The following NRXN3 variants were observed in gnomAD, a reference collection of about 807,000 sequenced individuals.
NRXN3 encodes the protein neurexin III.
In NRXN3, 32 loss-of-function variants were observed where a neutral mutation model predicts 137.6. That is an observed-to-expected ratio of 0.23 (90% confidence interval 0.18 to 0.31). The LOEUF (loss-of-function observed/expected upper bound fraction) is 0.31, where lower values mean the gene tolerates loss of function less well. Among genes scored for constraint, NRXN3 ranks in the 10% least tolerant of loss-of-function variants. The pLI is 1.00. For synonymous variants in NRXN3, 798 were observed against 784.5 expected, an observed-to-expected ratio of 1.02 and a Z score of -0.29; for missense variants, 1,574 against 2,062.5, an observed-to-expected ratio of 0.76 and a Z score of 4.59.
At chr14:78,475,630 C>T (rs1209104279) in intron 4 of NRXN3, among the ~76,000 whole-genome samples, 1 of 152,158 alleles carries the variant, frequency 6.6e-6, no homozygotes, top group Non-Finnish European at 1.5e-5. Context: ...CAAATTACCG[C>T]TGACAAATAA....
chr14:79,863,630 C>CTGTT lies in NRXN3; in HGVS notation c.*1669_*1672dup, dbSNP rs758758068. 1 of 151,970 alleles carries CTGTT rather than the reference C, an allele frequency of 6.6e-6. No homozygotes were observed. Among genetic ancestry groups the CTGTT allele is most frequent in the Non-Finnish European group, 1.5e-5 (1 of 67,912 alleles). The allele number at this position is 151,970 out of a possible 1,614,324, so 9.4% of individuals were successfully genotyped here. On this transcript the variant is annotated 3_prime_UTR_variant, in exon 21 of 21. Coordinates refer to ENST00000335750, the MANE Select transcript of NRXN3 (RefSeq NM_001330195.2). ...AGAAATGTTTTTTTCCTGTTTATTT[C>CTGTT]TGTTTGGTTTATATTCTGGTTGTCT...
At chr14:79,018,792 G>T (rs2099584058) in intron 15 of NRXN3, among the ~76,000 whole-genome samples, 2 of 152,196 alleles carry the variant, frequency 1.3e-5, no homozygotes, top group East Asian at 1.9e-4. Flanking sequence ...AGAATAAATT[G>T]TCCTTTTAAG....
chr14:79,023,112 T>TG (rs1014245396), intron 15 of NRXN3, among the ~76,000 whole-genome samples: 18 of 151,140 alleles, frequency 1.2e-4, no homozygotes, highest in Admixed American at 5.9e-4. Flanking sequence ...CTTTGCCTTT[T>TG]TTTTTTTTTT....
chr14:79,315,697 C>T (rs898953310), intron 15 of NRXN3, among the ~76,000 whole-genome samples: 6 of 152,188 alleles, frequency 3.9e-5, no homozygotes, highest in African/African-American at 1.4e-4. Flanking sequence ...TTATTTTCCT[C>T]ATCTTCTTTT....
intron 1 of NRXN3, among the ~76,000 whole-genome samples, chr14:78,222,116 G>A (rs1305874312): frequency 6.6e-6 from 1 of 152,094 alleles, no homozygotes; most frequent in Admixed American, 6.5e-5. Flanking sequence ...GATACACATG[G>A]CCCCAACACA....
chr14:79,338,840 T>C (rs574329042), intron 15 of NRXN3, among the ~76,000 whole-genome samples: 126 of 152,308 alleles, frequency 8.3e-4, no homozygotes, highest in Admixed American at 1.4e-3. Flanking sequence ...ATAACTATTT[T>C]TGTGTTTGTT....
chr14:78,770,819 G>A (rs74969890), intron 8 of NRXN3, among the ~76,000 whole-genome samples: 1 of 152,174 alleles, frequency 6.6e-6, no homozygotes, highest in Non-Finnish European at 1.5e-5. Flanking sequence ...ACTGGGGAGG[G>A]AATGTCTGTA....
At chr14:79,369,690 A>G (rs554198489) in intron 15 of NRXN3, among the ~76,000 whole-genome samples, 2 of 152,180 alleles carry the variant, frequency 1.3e-5, no homozygotes, top group African/African-American at 2.4e-5. Context: ...CTCTTTTTCA[A>G]TTATTTCTGA....
intron 15 of NRXN3, among the ~76,000 whole-genome samples, chr14:79,158,582 T>C (rs1015386469): frequency 6.6e-6 from 1 of 151,896 alleles, no homozygotes; most frequent in Non-Finnish European, 1.5e-5. Context: ...TTGAGGTATG[T>C]GGATTTATCC....
intron 4 of NRXN3, among the ~76,000 whole-genome samples, chr14:78,602,866 C>G (rs1601182013): frequency 6.6e-6 from 1 of 152,228 alleles, no homozygotes; most frequent in East Asian, 1.9e-4. Context: ...TGAGAATGAC[C>G]TTAGCTAGGG....
At chr14:78,693,036 T>A (rs1476252295) in intron 6 of NRXN3, among the ~76,000 whole-genome samples, 1 of 151,954 alleles carries the variant, frequency 6.6e-6, no homozygotes, top group Non-Finnish European at 1.5e-5. Context: ...TGAGCCGAGA[T>A]CATGCCACTG....
chr14:79,470,939 AAAGAGAGAGAGAGTGTGTGTGT>A (rs1273612383), intron 16 of NRXN3, among the ~76,000 whole-genome samples: 2 of 85,832 alleles, frequency 2.3e-5, no homozygotes, highest in African/African-American at 9.5e-5. Flanking sequence ...AGAGAGAGAG[AAAGAGAGAGAGAGTGTGTGTGT>A]GTGTGTGTGT....
rs2152565195 is a variant in NRXN3 at position 79,049,328 on chromosome 14, GA to G, written c.3262+61190del. 1.3e-5 allele frequency among the ~76,000 whole-genome samples: 2 copies of G among 152,210 alleles called. 1 individual carries two copies. Among genetic ancestry groups the G allele is most frequent in the East Asian group, 3.9e-4 (2 of 5,170 alleles). On this transcript the variant is annotated intron_variant, in intron 15 of 20. Transcript: ENST00000335750. ...TCACCAGGAATAAATTCCATCTCAA[GA>G]AACCACTTTCTTTGCTTATCATACG...
At chr14:79,331,519 C>T (rs1274770287) in intron 15 of NRXN3, among the ~76,000 whole-genome samples, 9 of 152,124 alleles carry the variant, frequency 5.9e-5, no homozygotes, top group Non-Finnish European at 4.4e-5. Context: ...TTTCTATGGT[C>T]ACTATTACTC....
rs574446258 is a variant in NRXN3 at position 79,353,285 on chromosome 14, TTA to T, written c.3263-113932_3263-113931del. ...CTTAAAATAATTGGAAGTCCACAAA[TTA>T]TATGTTTCTGGAAACTATTCTGAAT... On this transcript the variant is annotated intron_variant, in intron 15 of 20. Coordinates refer to ENST00000335750, the MANE Select transcript of NRXN3 (RefSeq NM_001330195.2). Among the ~76,000 whole-genome samples, 309 of 152,198 alleles carry T rather than the reference TTA, an allele frequency of 2.0e-3. 2 individuals carry two copies. Among genetic ancestry groups the T allele is most frequent in the African/African-American group, 7.2e-3 (300 of 41,562 alleles).
chr14:78,427,513 A>G (rs2093709732), intron 4 of NRXN3, among the ~76,000 whole-genome samples: 2 of 152,212 alleles, frequency 1.3e-5, no homozygotes, highest in South Asian at 4.1e-4. Flanking sequence ...CTACCTGAGA[A>G]CTGGTATAAT....
chr14:79,656,887 T>A (rs531037721), intron 16 of NRXN3, among the ~76,000 whole-genome samples: 2 of 152,222 alleles, frequency 1.3e-5, no homozygotes, highest in South Asian at 4.2e-4. Flanking sequence ...CCATTTAATA[T>A]GAATTTTCTA....
At chr14:79,537,626 A>G (rs1455001750) in intron 16 of NRXN3, among the ~76,000 whole-genome samples, 1 of 151,920 alleles carries the variant, frequency 6.6e-6, no homozygotes, top group Non-Finnish European at 1.5e-5. Context: ...TGAACTCATC[A>G]TTTTCTATGG....
chr14:78,782,189 A>G (rs537908343), intron 8 of NRXN3, among the ~76,000 whole-genome samples: 1 of 152,210 alleles, frequency 6.6e-6, no homozygotes, highest in Non-Finnish European at 1.5e-5. Flanking sequence ...CCATTTTCAA[A>G]TATTTCCTCT....
Sources: allele counts gnomAD v4.1 joint callset (sites outside exome capture counted in the v4.1 genomes callset), GRCh38; gene constraint gnomAD v4.1.1; transcripts MANE v1.5; gene names NCBI Gene and HGNC (gene_info 2026-07-23, HGNC 2026-07-21).